The following CALD1 variants were observed in gnomAD, a reference collection of about 807,000 sequenced individuals.
CALD1 encodes the protein caldesmon.
Under a neutral mutation model 99.9 loss-of-function variants are expected in CALD1, and 33 were observed. That is an observed-to-expected ratio of 0.33 (90% CI 0.25 to 0.44). The LOEUF (loss-of-function observed/expected upper bound fraction) is 0.44. Among genes scored for constraint, CALD1 ranks in the 20% least tolerant of loss-of-function variants. CALD1 has a pLI of 1.00. For synonymous variants in CALD1, 310 were observed against 325.0 expected (o/e 0.95, Z 0.50); for missense variants, 861 against 962.1 (o/e 0.89, Z 1.39).
intron 1 of CALD1, among the ~76,000 whole-genome samples, chr7:134,780,236 C>A (rs1201473441): frequency 6.6e-6 from 1 of 152,120 alleles, no homozygotes; most frequent in African/African-American, 2.4e-5. Flanking sequence ...AAGGCTTTTG[C>A]GTTATAGTCT....
At chr7:134,755,358 T>A (rs984550006) in intron 1 of CALD1, among the ~76,000 whole-genome samples, 1 of 152,206 alleles carries the variant, frequency 6.6e-6, no homozygotes, top group African/African-American at 2.4e-5. Context: ...TTTAAGTATT[T>A]TTTTTCATTA....
At chr7:134,912,673 T>C (rs2132714828) in intron 3 of CALD1, among the ~76,000 whole-genome samples, 1 of 152,320 alleles carries the variant, frequency 6.6e-6, no homozygotes, top group Non-Finnish European at 1.5e-5. Flanking sequence ...CTATCAAGAC[T>C]ATCATATCTT....
intron 1 of CALD1, among the ~76,000 whole-genome samples, chr7:134,832,337 GC>G (rs1435218553): frequency 6.6e-6 from 1 of 152,156 alleles, no homozygotes; most frequent in Non-Finnish European, 1.5e-5. Context: ...AGGGATAATT[GC>G]CAAACCATCA....
chr7:134,809,821 C>T (rs2131912100), intron 1 of CALD1, among the ~76,000 whole-genome samples: 1 of 152,222 alleles, frequency 6.6e-6, no homozygotes, highest in Admixed American at 6.5e-5. Context: ...AGGCTGTGAG[C>T]CAACATTCAG....
At chr7:134,873,336 C>T (rs897258510) in intron 3 of CALD1, among the ~76,000 whole-genome samples, 4 of 152,152 alleles carry the variant, frequency 2.6e-5, no homozygotes, top group African/African-American at 9.7e-5. Context: ...CCCCGGTCCA[C>T]GTGCATCTTC....
intron 9 of CALD1, among the ~76,000 whole-genome samples, chr7:134,952,566 G>T (rs1053260310): frequency 1.3e-5 from 2 of 151,660 alleles, no homozygotes; most frequent in Non-Finnish European, 2.9e-5. Flanking sequence ...CGCCTCCCAG[G>T]TTCAAGCGAT....
chr7:134,763,316 A>G (rs1017986598), intron 1 of CALD1, among the ~76,000 whole-genome samples: 3 of 152,230 alleles, frequency 2.0e-5, no homozygotes, highest in Non-Finnish European at 2.9e-5. Flanking sequence ...GGCAGTGTAA[A>G]TGGCAGGCAA....
chr7:134,895,437 T>C lies in CALD1; in HGVS notation c.71+27633T>C, dbSNP rs1276375561. On this transcript the variant is annotated intron_variant, in intron 3 of 14. Transcript: ENST00000361675. The stretch of plus-strand genomic sequence containing the variant: ...TTGCTAGGAGCTGTCCTTATGAACA[T>C]AGTTTTTTAATCATGCTGTAAAACA... Among the ~76,000 whole-genome samples the C allele has an allele frequency of 2.6e-5, 4 of 152,168 alleles. No homozygotes were observed. The East Asian group carries it at 5.8e-4, about 22-fold the overall frequency.
intron 1 of CALD1, among the ~76,000 whole-genome samples, chr7:134,798,038 A>G (rs1472615175): frequency 6.6e-6 from 1 of 152,230 alleles, no homozygotes; most frequent in Non-Finnish European, 1.5e-5. Context: ...ATTTGTCACA[A>G]ATAATAAAAC....
chr7:134,767,195 CTGTG>C (rs34026828), intron 1 of CALD1, among the ~76,000 whole-genome samples: 36,242 of 148,800 alleles, frequency 0.24, 4,992 homozygotes, highest in Non-Finnish European at 0.33. Context: ...CTCTCTGTCT[CTGTG>C]TGTGTGTGTG....
chr7:134,767,921 A>G (rs1413607809), intron 1 of CALD1, among the ~76,000 whole-genome samples: 2 of 152,378 alleles, frequency 1.3e-5, no homozygotes, highest in East Asian at 1.9e-4. Context: ...GAATGAATAA[A>G]CAAATGAATA....
chr7:134,888,695 C>T (rs1219459723), intron 3 of CALD1, among the ~76,000 whole-genome samples: 1 of 152,194 alleles, frequency 6.6e-6, no homozygotes, highest in East Asian at 1.9e-4. Context: ...CTTCACTCTT[C>T]CCATGTCAGT....
At chr7:134,842,149 C>T (rs1195311175) in intron 1 of CALD1, among the ~76,000 whole-genome samples, 3 of 152,156 alleles carry the variant, frequency 2.0e-5, no homozygotes, top group African/African-American at 7.2e-5. Flanking sequence ...GTGCTGTGTC[C>T]TGAAGCAGAG....
intron 1 of CALD1, among the ~76,000 whole-genome samples, chr7:134,800,541 T>A (rs1438354047): frequency 6.6e-6 from 1 of 152,064 alleles, no homozygotes; most frequent in Non-Finnish European, 1.5e-5. Flanking sequence ...TATTGCTACA[T>A]GTTTCTTTTG....
chr7:134,899,207 C>CTTTTTT (rs981812367), intron 3 of CALD1, among the ~76,000 whole-genome samples: 3 of 137,986 alleles, frequency 2.2e-5, no homozygotes, highest in Non-Finnish European at 3.2e-5. Flanking sequence ...CTTTCTTTTT[C>CTTTTTT]TTTTTTTTTT....
intron 3 of CALD1, among the ~76,000 whole-genome samples, chr7:134,918,721 G>A (rs1344360529): frequency 6.6e-6 from 1 of 152,208 alleles, no homozygotes. Context: ...ACATGGCTAG[G>A]CGTAGTGGCT....
upstream of CALD1, among the ~76,000 whole-genome samples, chr7:134,743,872 C>T (rs138529727): frequency 6.6e-6 from 1 of 152,156 alleles, no homozygotes; most frequent in Non-Finnish European, 1.5e-5. Flanking sequence ...TTCCCCGGGG[C>T]AGAAGAATTC....
At chr7:134,877,104 G>T in intron 3 of CALD1, among the ~76,000 whole-genome samples, 1 of 152,216 alleles carries the variant, frequency 6.6e-6, no homozygotes, top group South Asian at 2.1e-4. Flanking sequence ...CCTAAAACAT[G>T]ACTAGTGCTC....
the CALD1 span, among the ~76,000 whole-genome samples, chr7:134,729,500 G>A: frequency 6.6e-6 from 1 of 152,252 alleles, no homozygotes; most frequent in Non-Finnish European, 1.5e-5. Context: ...GGAGAAGGGT[G>A]TGGCACGCAG....
Sources: allele counts gnomAD v4.1 joint callset (sites outside exome capture counted in the v4.1 genomes callset), GRCh38; gene constraint gnomAD v4.1.1; transcripts MANE v1.5; gene names NCBI Gene and HGNC (gene_info 2026-07-23, HGNC 2026-07-21).